The following MOV10L1 variants were observed in gnomAD, a reference collection of about 807,000 sequenced individuals.
The protein encoded by MOV10L1 is RNA helicase Mov10l1.
Under a neutral mutation model 143.8 loss-of-function variants are expected in MOV10L1, and 110 were observed. The observed-to-expected ratio is 0.76, with a 90% CI of 0.66 to 0.90. The LOEUF (loss-of-function observed/expected upper bound fraction) is 0.90, where lower values mean the gene tolerates loss of function less well. MOV10L1 is among the 40% of genes least tolerant of loss of function. The pLI, the probability that MOV10L1 is intolerant of heterozygous loss-of-function variation, is 0.00. For synonymous variants in MOV10L1, 593 were observed against 581.1 expected (o/e 1.02, Z -0.29); for missense variants, 1,406 against 1,526.8 (o/e 0.92, Z 1.32).
Position 50,134,615 on chromosome 22 carries a change from G to A in MOV10L1, c.2055G>A (p.Gln685=), listed in dbSNP as rs2062769706. The A allele has an allele frequency of 1.2e-6, 2 of 1,614,094 alleles. No individual in the cohort carries two copies. The highest frequency in any genetic ancestry group is 1.7e-6 in the Non-Finnish European group (2 of 1,179,956). ...NHAQDTKSSG[Q]STSKKNRKTM... Reference sequence around the variant, plus strand: ...CACAAGACACCAAAAGCAGTGGACAGTCCACCAGCAAAAAGGTAGTGCTCA... The same window carrying A: ...CACAAGACACCAAAAGCAGTGGACAATCCACCAGCAAAAAGGTAGTGCTCA... Residue 685 remains glutamine (Q), a synonymous_variant, in exon 15 of 27, where the codon CAG becomes CAA. Coordinates refer to ENST00000262794, the MANE Select transcript of MOV10L1 (RefSeq NM_018995.3).
Position 50,142,113 on chromosome 22 carries a change from T to C in MOV10L1, c.2103T>C (p.His701=). ...AAACAATGACGGACCAAGCTGAGCA[T>C]GGAACAGAGGAGAGGCGTGTTGGTG... ...NRKTMTDQAE[H]GTEERRVGDK... is the part of the protein sequence containing the mutation. Residue 701 remains histidine, a synonymous_variant, in exon 16 of 27, where the codon CAT becomes CAC. Coordinates refer to ENST00000262794, the MANE Select transcript of MOV10L1 (RefSeq NM_018995.3). 1 of 1,612,422 alleles carries C rather than the reference T, an allele frequency of 6.2e-7. No individual in the cohort carries two copies. Among genetic ancestry groups the C allele is most frequent in the South Asian group, 1.1e-5 (1 of 90,836 alleles).
chr22:50,140,211 A>G (rs1038330125), intron 15 of MOV10L1, among the ~76,000 whole-genome samples: 4 of 152,218 alleles, frequency 2.6e-5, no homozygotes, highest in African/African-American at 9.6e-5. Flanking sequence ...CACTGTGTGC[A>G]TTTATATGAA....
chr22:50,090,067 C>CGTTG lies in MOV10L1; in HGVS notation c.-22_-21insGTTG. On this transcript the variant is annotated 5_prime_UTR_variant, in exon 1 of 27. Transcript: ENST00000262794. ...CGGGCGGCGGCAGCGGCGGTGACGGCAGCCTAGGCCGGGCGAGGGCCATGC... is the reference window on the plus strand; with the variant it reads ...CGGGCGGCGGCAGCGGCGGTGACGGCGTTGAGCCTAGGCCGGGCGAGGGCCATGC... The CGTTG allele has an allele frequency of 1.6e-6, 2 of 1,242,000 alleles. No homozygotes were observed. The highest frequency in any genetic ancestry group is 1.0e-6 in the Non-Finnish European group (1 of 989,568). 76.9% of individuals were successfully genotyped at this position (1,242,000 alleles called of 1,614,324 possible).
chr22:50,123,845 A>G (rs542643248), intron 10 of MOV10L1, among the ~76,000 whole-genome samples: 1 of 152,316 alleles, frequency 6.6e-6, no homozygotes, highest in South Asian at 2.1e-4. Flanking sequence ...TAATTGGTCT[A>G]TTCAGATTTT....
rs772374960 is a variant in MOV10L1 at position 50,144,138 on chromosome 22, G to A, written c.2400G>A (p.Ala800=). 7.6e-5 allele frequency: 123 copies of A among 1,613,092 alleles called. No homozygotes were observed. The highest frequency in any genetic ancestry group is 2.5e-4 in the Admixed American group (15 of 59,996). ...ALPDSRILVC[A]PSNSAADLVC... is the part of the protein sequence containing the mutation. ...CGGACAGTCGGATTTTAGTCTGTGC[G>A]CCCTCCAACAGTGCTGCTGACCTCG... The change falls in exon 18 of 27, where the codon GCG becomes GCA. Residue 800 remains alanine, a synonymous_variant. Coordinates refer to ENST00000262794, the MANE Select transcript of MOV10L1 (RefSeq NM_018995.3).
Position 50,115,190 on chromosome 22 carries a change from T to C in MOV10L1, c.1203T>C (p.Pro401=). The stretch of plus-strand genomic sequence containing the variant: ...GGAAGCAGATGACAGAGCCTGAGCC[T>C]GGGGGGCTTGTCCCTCCAGGGGGAA... ...LSRKQMTEPE[P]GGLVPPGGKT... Residue 401 remains proline (P), a synonymous_variant, in exon 8 of 27, where the codon CCT becomes CCC. Transcript: ENST00000262794. 1 of 1,558,926 alleles carries C rather than the reference T, an allele frequency of 6.4e-7. No individual in the cohort carries two copies. Among genetic ancestry groups the C allele is most frequent in the East Asian group, 2.4e-5 (1 of 40,968 alleles).
chr22:50,131,771 C>T (rs2062685725), intron 13 of MOV10L1, among the ~76,000 whole-genome samples: 1 of 151,498 alleles, frequency 6.6e-6, no homozygotes, highest in African/African-American at 2.4e-5. Context: ...TGATCTGTTT[C>T]TGAAGACTCT....
intron 18 of MOV10L1, among the ~76,000 whole-genome samples, chr22:50,144,492 A>G (rs1380486212): frequency 6.6e-6 from 1 of 152,258 alleles, no homozygotes; most frequent in Non-Finnish European, 1.5e-5. Context: ...GTAGCATTGT[A>G]AAATTATCAC....
chr22:50,145,262 A>G (rs1569036502), intron 18 of MOV10L1, among the ~76,000 whole-genome samples: 1 of 152,226 alleles, frequency 6.6e-6, no homozygotes, highest in Non-Finnish European at 1.5e-5. Flanking sequence ...CGTTTAAAAA[A>G]GACATTGAAA....
At chr22:50,143,014 A>G (rs2063034947) in intron 16 of MOV10L1, 29 bp from the exon 17 acceptor site, 3 of 1,608,704 alleles carry the variant, frequency 1.9e-6, no homozygotes, top group Non-Finnish European at 2.6e-6. Context: ...GTTTGCATCT[A>G]ACTGAAACTT....
At chr22:50,142,894 C>T (rs370628019) in intron 16 of MOV10L1, 149 bp from the exon 17 acceptor site, 13 of 682,298 alleles carry the variant, frequency 1.9e-5, no homozygotes, top group East Asian at 1.6e-4. Context: ...GCGCATCTTA[C>T]CCCTGGTCAC....
chr22:50,108,436 C>A, intron 4 of MOV10L1, 188 bp downstream of exon 4: 1 of 754,536 alleles, frequency 1.3e-6, no homozygotes, highest in Non-Finnish European at 2.3e-6. Flanking sequence ...ACTCCTAGTG[C>A]TTGCATACCT....
intron 6 of MOV10L1, among the ~76,000 whole-genome samples, chr22:50,113,995 T>C (rs1324244917): frequency 2.0e-5 from 3 of 146,782 alleles, no homozygotes; most frequent in African/African-American, 7.6e-5. Flanking sequence ...CTCAGCTCAC[T>C]GCAAGCTCCG....
chr22:50,090,910 A>G (rs1602093829), intron 1 of MOV10L1: 1 of 236,038 alleles, frequency 4.2e-6, no homozygotes, highest in Non-Finnish European at 8.8e-6. Flanking sequence ...TCCTGATCTC[A>G]GGTGACCCAC....
intron 3 of MOV10L1, among the ~76,000 whole-genome samples, chr22:50,103,772 C>T (rs573274413): frequency 6.6e-6 from 1 of 152,262 alleles, no homozygotes; most frequent in African/African-American, 2.4e-5. Flanking sequence ...TCATTATTTT[C>T]AAGTTATACC....
chr22:50,156,568 C>G (rs76342860), intron 22 of MOV10L1, among the ~76,000 whole-genome samples: 154 of 152,352 alleles, frequency 1.0e-3, no homozygotes, highest in African/African-American at 3.5e-3. Flanking sequence ...TACTTTCTGA[C>G]TGTATGAATT....
rs1026315712 is a variant in MOV10L1, at chr22:50,152,110, T to C, written c.2893-935T>C. Among the ~76,000 whole-genome samples the C allele has an allele frequency of 2.0e-5, 3 of 151,990 alleles. No individual in the cohort carries two copies. The South Asian group carries it at 6.2e-4, about 32-fold the overall frequency. On this transcript the variant is annotated intron_variant, in intron 21 of 26. Transcript: ENST00000262794. The surrounding 1 kb of genome is among the most constrained non-coding windows in gnomAD (Gnocchi z 4.4). Reference sequence around the variant, plus strand: ...AGGACTCACGGGGCCAATCATGGCGTTCTCGTGCCAGTGTCATCTGGCGAG... The same window carrying C: ...AGGACTCACGGGGCCAATCATGGCGCTCTCGTGCCAGTGTCATCTGGCGAG...
intron 2 of MOV10L1, chr22:50,095,888 C>T (rs546260458): frequency 2.0e-5 from 3 of 152,190 alleles, no homozygotes; most frequent in South Asian, 4.2e-4. Flanking sequence ...TTTTCAGTAT[C>T]TTCCAAATGA....
rs550572818 is a variant in MOV10L1 at position 50,122,430 on chromosome 22, C to T, written c.1569+1814C>T. On this transcript the variant is annotated intron_variant, in intron 10 of 26. Transcript: ENST00000262794. ...TGCTACTTTGCTGAATTTATTTATTCTAACAGTTTTTTGTGGAATCTTTTA... is the reference window on the plus strand; with the variant it reads ...TGCTACTTTGCTGAATTTATTTATTTTAACAGTTTTTTGTGGAATCTTTTA... 5.8e-4 allele frequency among the ~76,000 whole-genome samples: 88 copies of T among 152,258 alleles called. No individual in the cohort carries two copies. In the South Asian group the frequency reaches 0.011, roughly 19 times the overall value.
Sources: gnomAD v4.1 joint callset for allele counts (sites outside exome capture counted in the v4.1 genomes callset) on GRCh38, gnomAD v4.1.1 for gene constraint, Gnocchi (gnomAD v3.1) non-coding constraint, MANE v1.5 for transcripts, NCBI Gene and HGNC (gene_info 2026-07-23, HGNC 2026-07-21) for gene names.